SGIP1: variants seen among roughly 807,000 people sequenced by gnomAD.
SGIP1 encodes the protein SH3GL interacting endocytic adaptor 1.
A neutral mutation model predicts 107.5 loss-of-function variants in SGIP1; 38 were observed. That is an observed-to-expected ratio of 0.35 (90% CI 0.27 to 0.46). The LOEUF (loss-of-function observed/expected upper bound fraction) is 0.46. SGIP1 is among the 20% of genes least tolerant of loss of function. The probability of loss-of-function intolerance (pLI) is 1.00; values close to 1 mark genes in which losing one functional copy is unlikely to be tolerated. For missense variants in SGIP1, 929 were observed against 1,019.5 expected, an observed-to-expected ratio of 0.91 and a Z score of 1.21; for synonymous variants, 365 against 366.1, an observed-to-expected ratio of 1.00 and a Z score of 0.03.
In SGIP1 at chr1:66,548,517, G is replaced by A. The variant is rs149901775; in HGVS notation, c.10+14149G>A. On this transcript the variant is annotated intron_variant, in intron 1 of 24. Coordinates refer to ENST00000371037, the MANE Select transcript of SGIP1 (RefSeq NM_032291.4). ...ACAGCTGAAAAAAATGAAGATATTAGAGATCCAAGGGTATCATGCACTTTT... is the reference window on the plus strand; with the variant it reads ...ACAGCTGAAAAAAATGAAGATATTAAAGATCCAAGGGTATCATGCACTTTT... Among the ~76,000 whole-genome samples the A allele has an allele frequency of 1.3e-3, 197 of 152,178 alleles. 1 individual carries two copies. Among genetic ancestry groups the A allele is most frequent in the African/African-American group, 4.7e-3 (195 of 41,520 alleles).
Position 66,677,081 on chromosome 1 carries a change from C to T in SGIP1, c.724C>T (p.Pro242Ser), listed in dbSNP as rs570718750. 5.1e-5 allele frequency: 83 copies of T among 1,613,570 alleles called. No individual in the cohort carries two copies. The highest frequency in any genetic ancestry group is 7.0e-5 in the Non-Finnish European group (83 of 1,179,810). Residue 242 changes from proline (P) to serine (S), a missense_variant, in exon 13 of 25, where the codon CCT becomes TCT. This residue lies in a region of SGIP1 where 588 missense variants were observed against 588.6 expected (regional missense o/e 1.00). Coordinates refer to ENST00000371037, the MANE Select transcript of SGIP1 (RefSeq NM_032291.4). Reference protein sequence around the residue: ...PSMESPKLTRPFPTGTPPPLP... With the variant: ...PSMESPKLTRSFPTGTPPPLP... ...CATGGAGTCGCCAAAGTTAACAAGGCCTTTTCCCACTGGAAGTAAGTTATG... is the reference window on the plus strand; with the variant it reads ...CATGGAGTCGCCAAAGTTAACAAGGTCTTTTCCCACTGGAAGTAAGTTATG...
At chr1:66,559,314 A>C (rs1475292649) in intron 1 of SGIP1, among the ~76,000 whole-genome samples, 1 of 152,114 alleles carries the variant, frequency 6.6e-6, no homozygotes, top group Non-Finnish European at 1.5e-5. Context: ...ATATTAGGGC[A>C]GATCCTGAAT....
chr1:66,629,034 A>G (rs565021417), intron 2 of SGIP1, among the ~76,000 whole-genome samples: 1 of 152,370 alleles, frequency 6.6e-6, no homozygotes, highest in African/African-American at 2.4e-5. Flanking sequence ...CAGAAAAGAA[A>G]TCATAAATGC....
intron 8 of SGIP1, 34 bp downstream of exon 8, chr1:66,660,558 A>T (rs778717674): frequency 6.3e-7 from 1 of 1,588,008 alleles, no homozygotes; most frequent in South Asian, 1.1e-5. Context: ...TTTGGGGCAA[A>T]CATTATTTAT....
chr1:66,679,189 A>T (rs1477487795), intron 13 of SGIP1, among the ~76,000 whole-genome samples: 5 of 152,194 alleles, frequency 3.3e-5, no homozygotes, highest in Admixed American at 6.5e-5. Context: ...TCCCAACTCA[A>T]TCTGGACACT....
chr1:66,720,615 A>G (rs2150450303), intron 19 of SGIP1, among the ~76,000 whole-genome samples: 1 of 152,236 alleles, frequency 6.6e-6, no homozygotes, highest in South Asian at 2.1e-4. Flanking sequence ...AGTCCCAGCT[A>G]CTTAGGAAGT....
intron 1 of SGIP1, among the ~76,000 whole-genome samples, chr1:66,612,711 T>A (rs1034049604): frequency 6.6e-6 from 1 of 152,230 alleles, no homozygotes; most frequent in African/African-American, 2.4e-5. Flanking sequence ...TTTTTGATAT[T>A]ACACAGTTAG....
intron 8 of SGIP1, among the ~76,000 whole-genome samples, chr1:66,667,305 G>A (rs1413773912): frequency 2.6e-5 from 4 of 152,098 alleles, no homozygotes; most frequent in Non-Finnish European, 4.4e-5. Context: ...ACCCACATTA[G>A]CAAAGCTGTA....
chr1:66,542,515 A>G (rs1013693238), intron 1 of SGIP1, among the ~76,000 whole-genome samples: 3 of 152,176 alleles, frequency 2.0e-5, no homozygotes, highest in Non-Finnish European at 2.9e-5. Context: ...ATGCAACAAT[A>G]TGATGACTGA....
In SGIP1 at chr1:66,729,292, G is replaced by C; in HGVS notation, c.1771G>C (p.Val591Leu). Residue 591 changes from valine to leucine, a missense_variant, in exon 20 of 25, where the codon GTG becomes CTG. Physicochemically the swap from Val to Leu is conservative, Grantham distance 32. Coordinates refer to ENST00000371037, the MANE Select transcript of SGIP1 (RefSeq NM_032291.4). ...TATCGTTAAGATTACCGGAGAAATG[G>C]TGTTGTCATTTCCTGCTGGCATCAC... is the stretch of plus-strand genomic sequence containing the variant. The part of the protein sequence containing the change: ...KCIVKITGEM[V>L]LSFPAGITRH... 1 of 1,613,962 alleles carries C rather than the reference G, an allele frequency of 6.2e-7. No homozygotes were observed. The highest frequency in any genetic ancestry group is 2.2e-5 in the East Asian group (1 of 44,880).
intron 19 of SGIP1, among the ~76,000 whole-genome samples, chr1:66,727,781 C>A (rs1260814851): frequency 6.6e-6 from 1 of 152,126 alleles, no homozygotes; most frequent in African/African-American, 2.4e-5. Context: ...AATCACACAC[C>A]TTACAATTCT....
At chr1:66,676,916 A>G (rs1356552069) in intron 12 of SGIP1, 88 bp from the exon 13 acceptor site, 2 of 1,021,654 alleles carry the variant, frequency 2.0e-6, no homozygotes, top group African/African-American at 1.6e-5. Flanking sequence ...ATAATTTTGT[A>G]AAGCTCAACT....
chr1:66,691,931 C>A (rs565165138), intron 17 of SGIP1, among the ~76,000 whole-genome samples: 1 of 152,030 alleles, frequency 6.6e-6, no homozygotes. Flanking sequence ...GAGGCCGAGG[C>A]GGGCAGATCA....
intron 5 of SGIP1, among the ~76,000 whole-genome samples, chr1:66,641,615 C>T (rs1478178226): frequency 6.6e-6 from 1 of 152,134 alleles, no homozygotes; most frequent in Non-Finnish European, 1.5e-5. Flanking sequence ...TATTTTCCCC[C>T]TTGATAAATG....
chr1:66,664,015 T>C (rs926400172), intron 8 of SGIP1, among the ~76,000 whole-genome samples: 2 of 152,226 alleles, frequency 1.3e-5, no homozygotes, highest in African/African-American at 4.8e-5. Flanking sequence ...TTCATATTTC[T>C]CATAATTTCA....
At chr1:66,593,267 T>A (rs1205784714) in intron 1 of SGIP1, among the ~76,000 whole-genome samples, 1 of 152,090 alleles carries the variant, frequency 6.6e-6, no homozygotes, top group Non-Finnish European at 1.5e-5. Context: ...CATGTGCAGG[T>A]TTTTGTGTGG....
chr1:66,714,437 T>C (rs2093111407), intron 18 of SGIP1, among the ~76,000 whole-genome samples: 1 of 152,196 alleles, frequency 6.6e-6, no homozygotes, highest in Non-Finnish European at 1.5e-5. Flanking sequence ...TAACCTCTTG[T>C]TGGCATACAT....
intron 20 of SGIP1, among the ~76,000 whole-genome samples, chr1:66,732,880 G>A (rs2094078660): frequency 6.6e-6 from 1 of 152,074 alleles, no homozygotes; most frequent in South Asian, 2.1e-4. Flanking sequence ...GCACTATATA[G>A]GATATTCTGA....
At chr1:66,591,970 C>T (rs10789209) in intron 1 of SGIP1, among the ~76,000 whole-genome samples, 3 of 152,256 alleles carry the variant, frequency 2.0e-5, no homozygotes, top group Non-Finnish European at 4.4e-5. Context: ...GTCTCACCTC[C>T]AGCCATAAGG....
Sources: gnomAD v4.1 joint callset for allele counts (sites outside exome capture counted in the v4.1 genomes callset) on GRCh38, gnomAD v4.1.1 for gene constraint, gnomAD v4.1.1 regional missense constraint, MANE v1.5 for transcripts, NCBI Gene and HGNC (gene_info 2026-07-23, HGNC 2026-07-21) for gene names.